The following STXBP5 variants were observed in gnomAD, a reference collection of about 807,000 sequenced individuals.
The protein encoded by STXBP5 is syntaxin-binding protein 5.
A neutral mutation model predicts 152.4 loss-of-function variants in STXBP5; 50 were observed. The ratio of observed to expected loss-of-function variants is 0.33; its 90% CI spans 0.26 to 0.42. STXBP5 has a LOEUF of 0.42. Ranked by LOEUF, STXBP5 falls within the 10% of genes least tolerant of loss-of-function variation. STXBP5 has a pLI of 1.00. For synonymous variants in STXBP5, 492 were observed against 494.7 expected, an observed-to-expected ratio of 0.99 and a Z score of 0.07; for missense variants, 1,167 against 1,388.6, an observed-to-expected ratio of 0.84 and a Z score of 2.54.
chr6:147,225,742 A>AT (rs1777678758), intron 2 of STXBP5, among the ~76,000 whole-genome samples: 2 of 152,124 alleles, frequency 1.3e-5, no homozygotes, highest in Non-Finnish European at 2.9e-5. Context: ...TGGCCTGTTT[A>AT]TTTTACTATT....
At chr6:147,360,595 G>A (rs1188583710) in intron 23 of STXBP5, among the ~76,000 whole-genome samples, 2 of 152,016 alleles carry the variant, frequency 1.3e-5, no homozygotes, top group African/African-American at 4.8e-5. Context: ...TATAAATTTA[G>A]GAGAAAAACA....
At chr6:147,378,201 A>G (rs1448129801) in intron 26 of STXBP5, among the ~76,000 whole-genome samples, 1 of 152,118 alleles carries the variant, frequency 6.6e-6, no homozygotes, top group Non-Finnish European at 1.5e-5. Flanking sequence ...ATAGGAAACA[A>G]TAGGTACACT....
At chr6:147,323,314 G>A (rs1182799444) in intron 16 of STXBP5, among the ~76,000 whole-genome samples, 1 of 151,912 alleles carries the variant, frequency 6.6e-6, no homozygotes, top group Non-Finnish European at 1.5e-5. Flanking sequence ...TGGTGACCCT[G>A]TTCTACTTCG....
chr6:147,343,770 A>C (rs1254881284), intron 21 of STXBP5, among the ~76,000 whole-genome samples: 1 of 152,218 alleles, frequency 6.6e-6, no homozygotes. Flanking sequence ...ATTTTAAGTT[A>C]TCAAATTATT....
intron 6 of STXBP5, among the ~76,000 whole-genome samples, chr6:147,265,169 G>A (rs1779831916): frequency 6.6e-6 from 1 of 151,982 alleles, no homozygotes; most frequent in Non-Finnish European, 1.5e-5. Flanking sequence ...TTTTCCAAAA[G>A]GTGTATGTAT....
At chr6:147,331,856 G>C (rs2128391185) in intron 18 of STXBP5, among the ~76,000 whole-genome samples, 1 of 145,260 alleles carries the variant, frequency 6.9e-6, no homozygotes, top group East Asian at 2.0e-4. Context: ...TGGCAATTAA[G>C]TGGACCATTT....
At chr6:147,258,712 C>T (rs988120846) in intron 4 of STXBP5, among the ~76,000 whole-genome samples, 2 of 152,188 alleles carry the variant, frequency 1.3e-5, no homozygotes, top group East Asian at 1.9e-4. Flanking sequence ...GGATTACAGG[C>T]GTGAGCCACC....
At position 147,204,750 on chromosome 6, in the gene STXBP5, G is replaced by C; in HGVS notation, c.150+68G>C. ...TGGGGTTGTTTTAAGGGGGCTACTC[G>C]GGCTTTACATGGGAATGCAAGGGAA... On this transcript the variant is annotated intron_variant, in intron 1 of 27. Transcript: ENST00000321680. The surrounding 1 kb of genome is among the most constrained non-coding windows in gnomAD (Gnocchi z 4.3). 1 of 1,451,200 alleles carries C rather than the reference G, an allele frequency of 6.9e-7. No individual in the cohort carries two copies. Among genetic ancestry groups the C allele is most frequent in the East Asian group, 2.6e-5 (1 of 38,280 alleles). 89.9% of individuals were successfully genotyped at this position (1,451,200 alleles called of 1,614,324 possible).
intron 13 of STXBP5, 58 bp from the exon 14 acceptor site, chr6:147,314,538 T>C: frequency 1.9e-6 from 3 of 1,564,284 alleles, no homozygotes; most frequent in East Asian, 4.5e-5. Flanking sequence ...GCAGTACCCA[T>C]TTAAAGAAGG....
At chr6:147,230,327 A>G (rs1322148139) in intron 2 of STXBP5, among the ~76,000 whole-genome samples, 6 of 151,944 alleles carry the variant, frequency 3.9e-5, no homozygotes, top group East Asian at 3.8e-4. Flanking sequence ...GAATTAGAAT[A>G]CAGAATTCTA....
intron 9 of STXBP5, among the ~76,000 whole-genome samples, chr6:147,298,008 T>A (rs1781615764): frequency 6.6e-6 from 1 of 151,988 alleles, no homozygotes; most frequent in Non-Finnish European, 1.5e-5. Context: ...GTTTTACCTG[T>A]CAGTAATTAC....
chr6:147,380,102 AT>A (rs1183859223), intron 26 of STXBP5, among the ~76,000 whole-genome samples: 1 of 151,332 alleles, frequency 6.6e-6, no homozygotes, highest in Admixed American at 6.6e-5. Flanking sequence ...AATCACAACA[AT>A]TTTTTTTCAG....
chr6:147,292,837 T>C (rs1407142846), intron 9 of STXBP5: 1 of 152,140 alleles, frequency 6.6e-6, no homozygotes, highest in Non-Finnish European at 1.5e-5. Flanking sequence ...TGTTAATATT[T>C]ATGAGTTCAG....
intron 9 of STXBP5, among the ~76,000 whole-genome samples, chr6:147,294,248 G>A (rs986694002): frequency 6.6e-6 from 1 of 151,900 alleles, no homozygotes; most frequent in Non-Finnish European, 1.5e-5. Context: ...TGTGAACTCC[G>A]GAGTCAGACT....
chr6:147,325,825 GT>G (rs1346240591), intron 17 of STXBP5, among the ~76,000 whole-genome samples: 1 of 151,944 alleles, frequency 6.6e-6, no homozygotes, highest in Non-Finnish European at 1.5e-5. Flanking sequence ...CAGCTGTACA[GT>G]TAGCCCTCTG....
chr6:147,296,115 C>G (rs1781510565), intron 9 of STXBP5, among the ~76,000 whole-genome samples: 1 of 152,128 alleles, frequency 6.6e-6, no homozygotes, highest in Non-Finnish European at 1.5e-5. Flanking sequence ...TGGGCTGCTG[C>G]AGTACTACAT....
intron 7 of STXBP5, among the ~76,000 whole-genome samples, chr6:147,269,542 A>G (rs1681564323): frequency 6.6e-6 from 1 of 152,216 alleles, no homozygotes; most frequent in Admixed American, 6.5e-5. Context: ...AAATAGAAAC[A>G]GACTCAGAAA....
chr6:147,316,441 T>A, intron 16 of STXBP5, 34 bp downstream of exon 16: 1 of 1,425,422 alleles, frequency 7.0e-7, no homozygotes, highest in Non-Finnish European at 9.2e-7. Context: ...GAGTTTTGGA[T>A]ATTATCTTTT....
At chr6:147,382,419 G>A (rs1456653873) in intron 26 of STXBP5, among the ~76,000 whole-genome samples, 1 of 151,976 alleles carries the variant, frequency 6.6e-6, no homozygotes, top group Non-Finnish European at 1.5e-5. Flanking sequence ...CTGTATATTC[G>A]AAGCTAAATA....
Sources: allele counts gnomAD v4.1 joint callset (sites outside exome capture counted in the v4.1 genomes callset), GRCh38; gene constraint gnomAD v4.1.1; non-coding constraint Gnocchi (gnomAD v3.1); transcripts MANE v1.5; gene names NCBI Gene and HGNC (gene_info 2026-07-23, HGNC 2026-07-21).